Variants in YTHDC2 observed in about 807,000 individuals in gnomAD.
The protein encoded by YTHDC2 is 3'-5' RNA helicase YTHDC2.
In YTHDC2, 45 loss-of-function variants were observed where a neutral mutation model predicts 174.9. That is an observed-to-expected ratio of 0.26 (90% confidence interval 0.20 to 0.33). YTHDC2 has a LOEUF of 0.33. YTHDC2 is among the 10% of genes least tolerant of loss of function. The pLI is 1.00. For synonymous variants in YTHDC2, 657 were observed against 574.5 expected, an observed-to-expected ratio of 1.14 and a Z score of -2.05; for missense variants, 1,650 against 1,723.7, an observed-to-expected ratio of 0.96 and a Z score of 0.76.
At chr5:113,567,912 A>T in intron 23 of YTHDC2, 63 bp downstream of exon 23, 6 of 1,255,176 alleles carry the variant, frequency 4.8e-6, no homozygotes, top group Middle Eastern at 4.0e-4. Context: ...CCAAATAATG[A>T]AATTATTTTA....
chr5:113,524,644 C>T (rs1403898229), intron 2 of YTHDC2, among the ~76,000 whole-genome samples: 1 of 151,992 alleles, frequency 6.6e-6, no homozygotes, highest in Non-Finnish European at 1.5e-5. Context: ...TGATTTTCCC[C>T]CTCTGTATGC....
chr5:113,547,909 C>T (rs915338861), intron 10 of YTHDC2, among the ~76,000 whole-genome samples: 2 of 152,074 alleles, frequency 1.3e-5, no homozygotes, highest in Non-Finnish European at 2.9e-5. Context: ...CAAATTAATG[C>T]TAAGCAATTA....
chr5:113,552,560 C>A (rs1776319511), intron 12 of YTHDC2, among the ~76,000 whole-genome samples: 1 of 152,002 alleles, frequency 6.6e-6, no homozygotes, highest in African/African-American at 2.4e-5. Context: ...GTATATTTGT[C>A]AATTGATGAA....
In YTHDC2 at chr5:113,589,404, A is replaced by T. The variant is rs1386240882; in HGVS notation, c.3826-1637A>T. On this transcript the variant is annotated intron_variant, in intron 26 of 29. Coordinates refer to ENST00000161863, the MANE Select transcript of YTHDC2 (RefSeq NM_022828.5). ...CAAGTCTTTTAAAAATTAAAAAAAA[A>T]AAAAATATATATATATATATATATA... Among the ~76,000 whole-genome samples, 403 of 114,394 alleles carry T rather than the reference A, an allele frequency of 3.5e-3. 2 individuals are homozygous for T. The highest frequency in any genetic ancestry group is 0.013 in the African/African-American group (323 of 25,190). The allele number at this position is 114,394 out of a possible 152,430, so 75.0% of individuals were successfully genotyped here. A position where few individuals can be genotyped will look rare whatever the true frequency, so the allele number is the denominator to read the frequency against.
intron 18 of YTHDC2, among the ~76,000 whole-genome samples, chr5:113,561,492 A>G (rs1241840161): frequency 2.2e-5 from 3 of 135,480 alleles, no homozygotes; most frequent in African/African-American, 6.1e-5. Context: ...TTTTTGAGTC[A>G]GAGTCTTGCT....
intron 3 of YTHDC2, 70 bp downstream of exon 3, chr5:113,525,247 T>A (rs528002221): frequency 8.6e-6 from 11 of 1,282,870 alleles, no homozygotes; most frequent in Middle Eastern, 1.9e-4. Flanking sequence ...CATTTTAGAT[T>A]TATTTTCGAA....
chr5:113,546,118 CT>C (rs1263518554), intron 10 of YTHDC2, among the ~76,000 whole-genome samples: 1 of 152,122 alleles, frequency 6.6e-6, no homozygotes, highest in Admixed American at 6.5e-5. Context: ...TGCGTTCTTT[CT>C]TTTTCCATTA....
rs1378308357 is a variant in YTHDC2, at chr5:113,593,348, C to T, written c.4258C>T (p.Arg1420Cys). Reference sequence around the variant, plus strand: ...TGAACAGTTGCTCCAGTTATGGGAACGTCTTCCCTTGGGAGAAAAAAACAC... The same window carrying T: ...TGAACAGTTGCTCCAGTTATGGGAATGTCTTCCCTTGGGAGAAAAAAACAC... Reference protein sequence around the residue: ...VGEQLLQLWERLPLGEKNTTD With the variant: ...VGEQLLQLWECLPLGEKNTTD Residue 1420 changes from arginine to cysteine, a missense_variant, in exon 29 of 30, where the codon CGT (arginine) becomes TGT (cysteine). Around this residue, in one of 5 missense-constraint regions of YTHDC2, gnomAD observed 913 missense variants for 940.4 expected, o/e 0.97. Coordinates refer to ENST00000161863, the MANE Select transcript of YTHDC2 (RefSeq NM_022828.5). The T allele has an allele frequency of 5.0e-6, 8 of 1,612,574 alleles. No individual in the cohort carries two copies. The highest frequency in any genetic ancestry group is 2.2e-5 in the East Asian group (1 of 44,828).
chr5:113,549,920 ATAAT>A (rs1776134757), intron 12 of YTHDC2, among the ~76,000 whole-genome samples: 1 of 150,988 alleles, frequency 6.6e-6, no homozygotes, highest in African/African-American at 2.4e-5. Context: ...GAATAAATAA[ATAAT>A]TCTTGTAAAT....
chr5:113,539,423 C>G (rs1775298828), intron 8 of YTHDC2, among the ~76,000 whole-genome samples: 1 of 152,100 alleles, frequency 6.6e-6, no homozygotes, highest in Non-Finnish European at 1.5e-5. Context: ...GTGTCTATAT[C>G]CAAACATTCA....
intron 17 of YTHDC2, among the ~76,000 whole-genome samples, chr5:113,557,512 G>T (rs1445924824): frequency 2.0e-5 from 3 of 152,142 alleles, no homozygotes; most frequent in African/African-American, 7.2e-5. Context: ...TTGTGGGTAA[G>T]GCTGGGTGTA....
intron 5 of YTHDC2, 78 bp from the exon 6 acceptor site, chr5:113,534,227 C>A: frequency 9.5e-7 from 1 of 1,048,668 alleles, no homozygotes; most frequent in Non-Finnish European, 1.5e-6. Flanking sequence ...GTGTACGAGG[C>A]CAGCATTTAA....
chr5:113,589,408 A>AAATATATATATATAT (rs368975720), intron 26 of YTHDC2, among the ~76,000 whole-genome samples: 72 of 123,206 alleles, frequency 5.8e-4, no homozygotes, highest in African/African-American at 1.8e-3. Context: ...AAAAAAAAAA[A>AAATATATATATATAT]ATATATATAT....
rs966988529 is a variant in YTHDC2 at position 113,584,355 on chromosome 5, A to G, written c.3701A>G (p.Asp1234Gly). ...PALHPPQKYK[D>G]RGILHPKRGT... ...TTACACCCACCTCAGAAGTACAAAG[A>G]TAGAGGAATTTTACATCCTAAACGA... The change falls in exon 26 of 30, where the codon GAT (aspartate) becomes GGT (glycine). Residue 1234 changes from aspartate to glycine, a missense_variant. By Grantham distance (94) the Asp-to-Gly change is moderately conservative (BLOSUM62 -1). This residue lies in a region of YTHDC2 where 913 missense variants were observed against 940.4 expected (regional missense o/e 0.97). Transcript: ENST00000161863. The G allele has an allele frequency of 6.2e-7, 1 of 1,613,782 alleles. No homozygotes were observed. Among genetic ancestry groups the G allele is most frequent in the African/African-American group, 1.3e-5 (1 of 74,900 alleles).
chr5:113,516,698 A>G (rs1292164804), intron 2 of YTHDC2, among the ~76,000 whole-genome samples: 1 of 148,810 alleles, frequency 6.7e-6, no homozygotes, highest in Non-Finnish European at 1.5e-5. Flanking sequence ...CATAGAGGGA[A>G]GAAAAGGATA....
At chr5:113,542,538 C>G in intron 10 of YTHDC2, 35 bp downstream of exon 10, 2 of 1,562,000 alleles carry the variant, frequency 1.3e-6, no homozygotes, top group Non-Finnish European at 1.7e-6. Flanking sequence ...ATTACCCTTA[C>G]AGTTATTTAT....
intron 25 of YTHDC2, chr5:113,582,749 T>C (rs1163658844): frequency 6.6e-6 from 1 of 152,138 alleles, no homozygotes; most frequent in Non-Finnish European, 1.5e-5. Flanking sequence ...TTTTTGCATA[T>C]TTGAATGAAA....
chr5:113,526,745 T>C lies in YTHDC2; in HGVS notation c.635T>C (p.Val212Ala), dbSNP rs200182861. 33 of 1,554,944 alleles carry C rather than the reference T, an allele frequency of 2.1e-5. No individual in the cohort carries two copies. In the East Asian group the frequency reaches 6.9e-4, roughly 33 times the overall value. The change falls in exon 4 of 30, where the codon GTT becomes GCT. Residue 212 changes from valine to alanine, a missense_variant. Physicochemically the swap from Val to Ala is moderately conservative, Grantham distance 64 (BLOSUM62 0). Coordinates refer to ENST00000161863, the MANE Select transcript of YTHDC2 (RefSeq NM_022828.5). ...AAAATAATTAAGGAAAATAAAGTAG[T>C]TTTGATTGTAGGAGAAACTGGGTCT... is the stretch of plus-strand genomic sequence containing the variant. ...IVKIIKENKV[V>A]LIVGETGSGK...
chr5:113,558,938 G>A lies in YTHDC2; in HGVS notation c.2217-2142G>A, dbSNP rs369111307. 2.0e-3 allele frequency among the ~76,000 whole-genome samples: 266 copies of A among 131,216 alleles called. 3 individuals carry two copies. The highest frequency in any genetic ancestry group is 1.7e-3 in the Non-Finnish European group (107 of 61,772). 86.1% of individuals were successfully genotyped at this position (131,216 alleles called of 152,430 possible). On this transcript the variant is annotated intron_variant, in intron 17 of 29. Coordinates refer to ENST00000161863, the MANE Select transcript of YTHDC2 (RefSeq NM_022828.5). ...CTCCGTCTCAAAAAAAAAAAAAAAA[G>A]AAAATCTAAGTAGAGCTGTCTAAGA...
Sources: gnomAD v4.1 joint callset for allele counts (sites outside exome capture counted in the v4.1 genomes callset) on GRCh38, gnomAD v4.1.1 for gene constraint, gnomAD v4.1.1 regional missense constraint, MANE v1.5 for transcripts, NCBI Gene and HGNC (gene_info 2026-07-23, HGNC 2026-07-21) for gene names.